Variants in NEO1 observed in about 807,000 individuals in gnomAD.
NEO1 encodes the protein neogenin 1.
A neutral mutation model predicts 159.7 loss-of-function variants in NEO1; 63 were observed. The ratio of observed to expected loss-of-function variants is 0.39; its 90% CI spans 0.32 to 0.49. The LOEUF (loss-of-function observed/expected upper bound fraction) is 0.49, where lower values mean the gene tolerates loss of function less well. Among genes scored for constraint, NEO1 ranks in the 20% least tolerant of loss-of-function variants. The pLI is 0.85. For missense variants in NEO1, 1,615 were observed against 1,831.0 expected (o/e 0.88, Z 2.15); for synonymous variants, 633 against 662.0 (o/e 0.96, Z 0.67).
intron 4 of NEO1, among the ~76,000 whole-genome samples, chr15:73,128,967 C>T (rs960453075): frequency 6.6e-6 from 1 of 152,190 alleles, no homozygotes; most frequent in Admixed American, 6.5e-5. Flanking sequence ...TAACTTATTT[C>T]TGCCTGTAGT....
At chr15:73,135,355 C>T (rs920721911) in intron 4 of NEO1, among the ~76,000 whole-genome samples, 2 of 152,310 alleles carry the variant, frequency 1.3e-5, no homozygotes, top group South Asian at 4.1e-4. Context: ...TTCTCTCTTT[C>T]TTCCCTTCCT....
chr15:73,294,028 C>T (rs761732381), intron 26 of NEO1, among the ~76,000 whole-genome samples: 1 of 152,068 alleles, frequency 6.6e-6, no homozygotes, highest in Non-Finnish European at 1.5e-5. Flanking sequence ...CCACCAGCCA[C>T]GAGGAGTTGT....
At chr15:73,193,032 T>C (rs763824934) in intron 7 of NEO1, among the ~76,000 whole-genome samples, 18 of 152,084 alleles carry the variant, frequency 1.2e-4, no homozygotes, top group Non-Finnish European at 2.1e-4. Flanking sequence ...AACAAAATGC[T>C]ATAGGAGAAA....
intron 7 of NEO1, among the ~76,000 whole-genome samples, chr15:73,201,339 T>C (rs1436211392): frequency 1.3e-5 from 2 of 151,980 alleles, no homozygotes; most frequent in South Asian, 2.1e-4. Flanking sequence ...CCATGAGTTA[T>C]TTAGATATAT....
At position 73,068,223 on chromosome 15, in the gene NEO1, A is replaced by ACCCCCCCCC. The variant is rs1555421033; in HGVS notation, c.130+15420_130+15428dup. On this transcript the variant is annotated intron_variant, in intron 1 of 28. Transcript: ENST00000261908. ...CCTGTATTTTTGTTTTTGTCCCCCT[A>ACCCCCCCCC]CCCCCCCCCCTTTTTTTTTGAGACA... 2.0e-3 allele frequency among the ~76,000 whole-genome samples: 165 copies of ACCCCCCCCC among 82,942 alleles called. 2 individuals are homozygous for ACCCCCCCCC. Among genetic ancestry groups the ACCCCCCCCC allele is most frequent in the East Asian group, 4.0e-3 (9 of 2,246 alleles). 54.4% of individuals were successfully genotyped at this position (82,942 alleles called of 152,430 possible). A position where few individuals can be genotyped will look rare whatever the true frequency, so the allele number is the denominator to read the frequency against.
intron 7 of NEO1, among the ~76,000 whole-genome samples, chr15:73,233,614 C>T (rs2039026772): frequency 6.6e-6 from 1 of 152,080 alleles, no homozygotes; most frequent in Non-Finnish European, 1.5e-5. Context: ...ACAATGTAAA[C>T]ATGAAAAATG....
At chr15:73,122,044 T>G (rs1434460606) in intron 2 of NEO1, among the ~76,000 whole-genome samples, 5 of 106,640 alleles carry the variant, frequency 4.7e-5, no homozygotes, top group African/African-American at 1.9e-4. Context: ...AGGAAATATA[T>G]AGGGGTGTGT....
chr15:73,147,742 A>T (rs949918593), intron 5 of NEO1, among the ~76,000 whole-genome samples: 2 of 151,270 alleles, frequency 1.3e-5, no homozygotes, highest in African/African-American at 4.9e-5. Flanking sequence ...TGGGTCTCTT[A>T]TTTATTAATT....
chr15:73,252,761 A>G (rs1235079242), intron 11 of NEO1, among the ~76,000 whole-genome samples: 7 of 152,242 alleles, frequency 4.6e-5, no homozygotes, highest in African/African-American at 1.7e-4. Flanking sequence ...AGGCCGAGGC[A>G]GATGGATCAC....
intron 1 of NEO1, among the ~76,000 whole-genome samples, chr15:73,061,366 C>G (rs935385225): frequency 6.6e-6 from 1 of 152,172 alleles, no homozygotes; most frequent in Non-Finnish European, 1.5e-5. Flanking sequence ...TCCTTTTATC[C>G]CCTCCTACTG....
At chr15:73,269,079 G>A (rs1431493018) in intron 16 of NEO1, among the ~76,000 whole-genome samples, 1 of 152,076 alleles carries the variant, frequency 6.6e-6, no homozygotes, top group Non-Finnish European at 1.5e-5. Flanking sequence ...CTTTATTTGG[G>A]TGTCAGCTAT....
intron 5 of NEO1, among the ~76,000 whole-genome samples, chr15:73,155,017 GT>G (rs570908947): frequency 0.011 from 1,478 of 137,366 alleles, 31 homozygotes; most frequent in African/African-American, 0.036. Flanking sequence ...AAGTCTTTGT[GT>G]TTTTTTTTTT....
rs1194893317 is a variant in NEO1 at position 73,052,528 on chromosome 15, C to T, written c.-148C>T. On this transcript the variant is annotated 5_prime_UTR_variant, in exon 1 of 29. Coordinates refer to ENST00000261908, the MANE Select transcript of NEO1 (RefSeq NM_002499.4). ...CTCCCCTCCAGCGAGAGGGGCTGCG[C>T]GGGCCGGGCCGGGCCGGGCTGGGCT... is the stretch of plus-strand genomic sequence containing the variant. 2 of 280,280 alleles carry T rather than the reference C, an allele frequency of 7.1e-6. No individual in the cohort carries two copies. The highest frequency in any genetic ancestry group is 1.2e-5 in the Non-Finnish European group (2 of 165,112). 17.4% of individuals were successfully genotyped at this position (280,280 alleles called of 1,614,324 possible). A position where few individuals can be genotyped will look rare whatever the true frequency, so the allele number is the denominator to read the frequency against.
At chr15:73,237,986 G>T (rs2680347) in intron 8 of NEO1, among the ~76,000 whole-genome samples, 14,380 of 152,026 alleles carry the variant, frequency 0.095, 908 homozygotes, top group African/African-American at 0.17. Context: ...ATCTCCTCAG[G>T]CCTTCCCTGA....
chr15:73,275,516 A>G (rs1341940777), intron 21 of NEO1, among the ~76,000 whole-genome samples: 2 of 152,012 alleles, frequency 1.3e-5, no homozygotes, highest in African/African-American at 2.4e-5. Flanking sequence ...TTAGCTGGGC[A>G]TGGTGGTGCG....
intron 5 of NEO1, among the ~76,000 whole-genome samples, chr15:73,170,986 A>G (rs2034922441): frequency 6.6e-6 from 1 of 151,366 alleles, no homozygotes; most frequent in African/African-American, 2.4e-5. Flanking sequence ...GGAACTGCCT[A>G]TGAAGTAGTC....
intron 7 of NEO1, among the ~76,000 whole-genome samples, chr15:73,179,131 G>A (rs1252741539): frequency 2.0e-5 from 3 of 152,116 alleles, no homozygotes; most frequent in African/African-American, 7.2e-5. Flanking sequence ...TCAAATTAGG[G>A]AACCCACACT....
chr15:73,197,760 A>G (rs1453406324), intron 7 of NEO1, among the ~76,000 whole-genome samples: 2 of 148,698 alleles, frequency 1.3e-5, no homozygotes, highest in Admixed American at 1.4e-4. Context: ...GGCTCACTGC[A>G]GCCTCTTCCT....
At chr15:73,052,153 G>A (rs1430307941), upstream of NEO1, among the ~76,000 whole-genome samples, 1 of 149,728 alleles carries the variant, frequency 6.7e-6, no homozygotes, top group Non-Finnish European at 1.5e-5. Flanking sequence ...ACCCGTCAGC[G>A]GCTCCGGGGA....
Sources: gnomAD v4.1 joint callset for allele counts (sites outside exome capture counted in the v4.1 genomes callset) on GRCh38, gnomAD v4.1.1 for gene constraint, MANE v1.5 for transcripts, NCBI Gene and HGNC (gene_info 2026-07-23, HGNC 2026-07-21) for gene names.